DORIP1: variants seen among roughly 807,000 people sequenced by gnomAD.
DORIP1 encodes the protein dopamine receptor-interacting protein 1.
chr14:44,905,483 T>C, the DORIP1 span: 1 of 1,567,010 alleles, frequency 6.4e-7, no homozygotes, highest in Non-Finnish European at 8.7e-7. Context: ...AATTTAATTT[T>C]GTTAAATAAA....
the DORIP1 span, chr14:44,903,554 G>T: frequency 9.3e-7 from 1 of 1,071,986 alleles, no homozygotes; most frequent in East Asian, 6.2e-5. Flanking sequence ...CTGGAACCCA[G>T]CTAATTGGGA....
At chr14:44,898,742 T>C in the DORIP1 span, among the ~76,000 whole-genome samples, 6 of 152,336 alleles carry the variant, frequency 3.9e-5, no homozygotes, top group South Asian at 6.2e-4. Flanking sequence ...CAACTAGATA[T>C]AAACATCCAC....
chr14:44,904,517 T>G, the DORIP1 span: 2 of 1,598,338 alleles, frequency 1.3e-6, no homozygotes, highest in Non-Finnish European at 8.5e-7. Flanking sequence ...TACTTGGATT[T>G]GTCTGATCAC....
At chr14:44,901,953 G>C in the DORIP1 span, among the ~76,000 whole-genome samples, 1 of 152,226 alleles carries the variant, frequency 6.6e-6, no homozygotes, top group Non-Finnish European at 1.5e-5. Context: ...ACATGAGCTG[G>C]AAAGGGGATA....
the DORIP1 span, chr14:44,904,006 T>A: frequency 1.0e-6 from 1 of 981,378 alleles, no homozygotes; most frequent in Non-Finnish European, 1.2e-6. Context: ...AATTTGTTCA[T>A]GCTTATAGTC....
At chr14:44,903,095 T>C in the DORIP1 span, 18 of 709,762 alleles carry the variant, frequency 2.5e-5, no homozygotes, top group Non-Finnish European at 4.2e-5. Context: ...ATAAAGGTTA[T>C]ACTTGGTATA....
At chr14:44,898,817 C>T in the DORIP1 span, 2 of 152,104 alleles carry the variant, frequency 1.3e-5, no homozygotes, top group African/African-American at 4.8e-5. Flanking sequence ...AAACTGAAAA[C>T]ACTGTGTTCA....
the DORIP1 span, among the ~76,000 whole-genome samples, chr14:44,902,669 TATA>T: frequency 6.6e-6 from 1 of 152,262 alleles, no homozygotes; most frequent in South Asian, 2.1e-4. Flanking sequence ...ATTTTGAAAC[TATA>T]ATGAAATATT....
chr14:44,897,814 G>C, the DORIP1 span, among the ~76,000 whole-genome samples: 15 of 152,320 alleles, frequency 9.8e-5, no homozygotes, highest in East Asian at 2.9e-3. Context: ...GGGCTCCCCG[G>C]GGGCGCACGC....
chr14:44,898,041 A>C, the DORIP1 span, among the ~76,000 whole-genome samples: 1 of 152,284 alleles, frequency 6.6e-6, no homozygotes, highest in Admixed American at 6.5e-5. Context: ...CGAAAGAAAG[A>C]TGTTTTGTCA....
the DORIP1 span, chr14:44,905,283 T>G: frequency 1.1e-6 from 1 of 919,282 alleles, no homozygotes; most frequent in Non-Finnish European, 1.6e-6. Flanking sequence ...TGTCAATGTT[T>G]TTATTCCTTA....
chr14:44,902,916 G>A, the DORIP1 span, among the ~76,000 whole-genome samples: 2 of 151,954 alleles, frequency 1.3e-5, no homozygotes, highest in Admixed American at 6.6e-5. Context: ...TCCTTCCCAC[G>A]AGACCAGATT....
At chr14:44,898,113 G>A in the DORIP1 span, among the ~76,000 whole-genome samples, 1 of 152,168 alleles carries the variant, frequency 6.6e-6, no homozygotes, top group Non-Finnish European at 1.5e-5. Context: ...GTAGAGCCTG[G>A]AGAATAAAGC....
chr14:44,906,965 G>GT, the DORIP1 span: 2 of 152,220 alleles, frequency 1.3e-5, no homozygotes, highest in Non-Finnish European at 1.5e-5. Flanking sequence ...TTTCCCAAGT[G>GT]TATCTGATTA....
At chr14:44,897,471 A>AGCG in the DORIP1 span, 131 of 211,294 alleles carry the variant, frequency 6.2e-4, 1 homozygote, top group Middle Eastern at 3.9e-3. Flanking sequence ...TAGATGAGGC[A>AGCG]GCGGCGGCGG....
the DORIP1 span, chr14:44,904,017 G>C: frequency 2.0e-6 from 2 of 982,296 alleles, no homozygotes; most frequent in Non-Finnish European, 1.2e-6. Context: ...GCTTATAGTC[G>C]AGTCTAATGG....
chr14:44,905,875 T>A, the DORIP1 span: 1 of 162,012 alleles, frequency 6.2e-6, no homozygotes, highest in African/African-American at 2.4e-5. Context: ...AAATACTTTG[T>A]CATCTGAATT....
the DORIP1 span, among the ~76,000 whole-genome samples, chr14:44,899,672 G>A: frequency 6.6e-6 from 1 of 151,562 alleles, no homozygotes; most frequent in African/African-American, 2.4e-5. Context: ...CCCAATTAAG[G>A]ATCCCATTAT....
chr14:44,905,920 T>G, the DORIP1 span: 1 of 153,312 alleles, frequency 6.5e-6, no homozygotes, highest in Admixed American at 6.6e-5. Context: ...GAGTAAAACC[T>G]AGGTAAAAGT....
Sources: gnomAD v4.1 joint callset for allele counts (sites outside exome capture counted in the v4.1 genomes callset) on GRCh38, gnomAD v4.1.1 for gene constraint, MANE v1.5 for transcripts, NCBI Gene and HGNC (gene_info 2026-07-23, HGNC 2026-07-21) for gene names.